NECTIN1: variants seen among roughly 807,000 people sequenced by gnomAD.
NECTIN1 encodes nectin cell adhesion molecule 1.
In NECTIN1, 23 loss-of-function variants were observed where a neutral mutation model predicts 48.0. The observed-to-expected ratio is 0.48, with a 90% CI of 0.34 to 0.68. NECTIN1 has a LOEUF of 0.68. Ranked by LOEUF, NECTIN1 falls within the 30% of genes least tolerant of loss-of-function variation. NECTIN1 has a pLI of 0.01. For missense variants in NECTIN1, 591 were observed against 709.9 expected (o/e 0.83, Z 1.90); for synonymous variants, 270 against 288.9 (o/e 0.93, Z 0.66).
chr11:119,666,361 G>A (rs1864770802), intron 5 of NECTIN1, among the ~76,000 whole-genome samples: 2 of 152,216 alleles, frequency 1.3e-5, no homozygotes, highest in South Asian at 2.1e-4. Context: ...GAAAAGAAGA[G>A]AAAGGAAGCA....
At position 119,647,158 on chromosome 11, in the gene NECTIN1, CGCATGTGTGTGTGTGTGTGT is replaced by C. The variant is rs1381999779; in HGVS notation, c.1004-7166_1004-7147del. Among the ~76,000 whole-genome samples, 614 of 91,748 alleles carry C rather than the reference CGCATGTGTGTGTGTGTGTGT, an allele frequency of 6.7e-3. 9 individuals are homozygous for C. The highest frequency in any genetic ancestry group is 0.025 in the African/African-American group (597 of 23,656). The allele number at this position is 91,748 out of a possible 152,430, so 60.2% of individuals were successfully genotyped here. ...CAAGATGAGGGGCCAGAGCTTGCGGCGCATGTGTGTGTGTGTGTGTGTGTGTGTGTGTGTGTGTGTGTGTG... is the reference window on the plus strand; with the variant it reads ...CAAGATGAGGGGCCAGAGCTTGCGGCGTGTGTGTGTGTGTGTGTGTGTGTG... On this transcript the variant is annotated intron_variant, in intron 5 of 7. Coordinates refer to the NECTIN1 transcript ENST00000341398.
At chr11:119,671,796 G>C (rs1033925324) in intron 5 of NECTIN1, among the ~76,000 whole-genome samples, 7 of 152,180 alleles carry the variant, frequency 4.6e-5, no homozygotes, top group Non-Finnish European at 8.8e-5. Context: ...GCAGGGCCTC[G>C]GCAAGCTGGG....
chr11:119,714,150 C>T (rs1248451628), intron 1 of NECTIN1, among the ~76,000 whole-genome samples: 1 of 152,172 alleles, frequency 6.6e-6, no homozygotes, highest in Admixed American at 6.5e-5. Flanking sequence ...GAGCGGCAGC[C>T]TCTGGGTGGG....
At chr11:119,679,336 C>T (rs1865019917) in intron 1 of NECTIN1, among the ~76,000 whole-genome samples, 1 of 152,174 alleles carries the variant, frequency 6.6e-6, no homozygotes, top group South Asian at 2.1e-4. Context: ...GCAGGAGGCT[C>T]TGGATGAGCT....
At chr11:119,710,784 C>T (rs1210195877) in intron 1 of NECTIN1, among the ~76,000 whole-genome samples, 4 of 152,070 alleles carry the variant, frequency 2.6e-5, no homozygotes, top group South Asian at 4.1e-4. Flanking sequence ...AGACCCCATA[C>T]AAGTCCTGGT....
At chr11:119,638,581 A>T in intron 7 of NECTIN1, 1 of 797,786 alleles carries the variant, frequency 1.3e-6, no homozygotes, top group Non-Finnish European at 2.1e-6. Flanking sequence ...AGGCAGATGG[A>T]TCCCTCTAGC....
intron 1 of NECTIN1, among the ~76,000 whole-genome samples, chr11:119,694,615 G>A (rs1565394958): frequency 6.6e-6 from 1 of 152,188 alleles, no homozygotes; most frequent in Non-Finnish European, 1.5e-5. Context: ...AGTGATGTGG[G>A]CTGAAGAGGG....
At chr11:119,706,973 C>G (rs149714851) in intron 1 of NECTIN1, among the ~76,000 whole-genome samples, 13 of 152,262 alleles carry the variant, frequency 8.5e-5, no homozygotes, top group Non-Finnish European at 1.8e-4. Flanking sequence ...CTGCCCCTGT[C>G]CCTCAATTCT....
At chr11:119,648,310 G>GTGGTGGTGGTGGTGGTGA (rs1864434674) in intron 5 of NECTIN1, among the ~76,000 whole-genome samples, 1 of 5,944 alleles carries the variant, frequency 1.7e-4, no homozygotes, top group Non-Finnish European at 3.9e-4. Context: ...GGTGGTGATG[G>GTGGTGGTGGTGGTGGTGA]TGGTGATGGT....
chr11:119,663,260 G>A lies in NECTIN1; in HGVS notation c.*1487C>T. 1.0e-6 allele frequency: 1 copy of A among 985,568 alleles called. No homozygotes were observed. Among genetic ancestry groups the A allele is most frequent in the Non-Finnish European group, 1.2e-6 (1 of 830,020 alleles). The allele number at this position is 985,568 out of a possible 1,614,324, so 61.1% of individuals were successfully genotyped here. A position where few individuals can be genotyped will look rare whatever the true frequency, so the allele number is the denominator to read the frequency against. ...CCTGTCTAGAGTGCCAGGGGATCTG[G>A]GAGCAGATGGAGGAACTGAGGCACT... On this transcript the variant is annotated 3_prime_UTR_variant, in exon 6 of 6. Coordinates refer to ENST00000264025, the MANE Select transcript of NECTIN1 (RefSeq NM_002855.5).
chr11:119,655,052 G>C (rs1198180677), intron 5 of NECTIN1, among the ~76,000 whole-genome samples: 1 of 151,950 alleles, frequency 6.6e-6, no homozygotes, highest in African/African-American at 2.4e-5. Flanking sequence ...TGGGATTACA[G>C]GCACCCACCA....
At chr11:119,708,012 C>T (rs1292729436) in intron 1 of NECTIN1, among the ~76,000 whole-genome samples, 4 of 152,180 alleles carry the variant, frequency 2.6e-5, no homozygotes, top group African/African-American at 4.8e-5. Context: ...TAGCAGGGGC[C>T]CCAGACATGA....
intron 1 of NECTIN1, among the ~76,000 whole-genome samples, chr11:119,715,927 T>C (rs1434250490): frequency 2.6e-5 from 4 of 152,212 alleles, no homozygotes; most frequent in Non-Finnish European, 4.4e-5. Context: ...ATTATGTTTG[T>C]TGCTGTCTAC....
In NECTIN1 at chr11:119,712,127, G is replaced by A. The variant is rs80218760; in HGVS notation, c.79+16348C>T. On this transcript the variant is annotated intron_variant, in intron 1 of 5. Transcript: ENST00000264025. ...GGGTGGCTCTGGACAAGTTGGGCTTGGACTGCGCACAGGTCAGGCTGAAAT... is the reference window on the plus strand; with the variant it reads ...GGGTGGCTCTGGACAAGTTGGGCTTAGACTGCGCACAGGTCAGGCTGAAAT... Among the ~76,000 whole-genome samples the A allele has an allele frequency of 0.013, 1,943 of 152,294 alleles. 91 individuals are homozygous for A. The East Asian group carries it at 0.14, about 11-fold the overall frequency.
At chr11:119,671,894 C>G (rs542770454) in intron 5 of NECTIN1, among the ~76,000 whole-genome samples, 1 of 152,244 alleles carries the variant, frequency 6.6e-6, no homozygotes, top group African/African-American at 2.4e-5. Context: ...GAGAATGGCA[C>G]GTTGCCACGG....
At chr11:119,648,409 A>ATGGTGGTGATGGTGGTGGTGGTGG (rs1864443248) in intron 5 of NECTIN1, among the ~76,000 whole-genome samples, 1 of 2,662 alleles carries the variant, frequency 3.8e-4, no homozygotes, top group Admixed American at 4.0e-3. Context: ...GGTGATGGTG[A>ATGGTGGTGATGGTGGTGGTGGTGG]TGGTGGTGGT....
chr11:119,693,084 C>T (rs1030216164), intron 1 of NECTIN1, among the ~76,000 whole-genome samples: 10 of 152,186 alleles, frequency 6.6e-5, no homozygotes, highest in Non-Finnish European at 1.0e-4. Flanking sequence ...CTAGCAACCC[C>T]GGCAGCCCAG....
chr11:119,665,438 C>G lies in NECTIN1; in HGVS notation c.1004-141G>C. 1 of 1,397,912 alleles carries G rather than the reference C, an allele frequency of 7.2e-7. No individual in the cohort carries two copies. The highest frequency in any genetic ancestry group is 1.5e-5 in the South Asian group (1 of 66,504). The allele number at this position is 1,397,912 out of a possible 1,614,324, so 86.6% of individuals were successfully genotyped here. A position where few individuals can be genotyped will look rare whatever the true frequency, so the allele number is the denominator to read the frequency against. On this transcript the variant is annotated intron_variant, in intron 5 of 5. Coordinates refer to ENST00000264025, the MANE Select transcript of NECTIN1 (RefSeq NM_002855.5). This position sits in a 1 kb window ranked among gnomAD's most constrained non-coding sequence, Gnocchi z 5.1. ...AGGTTTGAGCAGCTCCAGTTCGAGG[C>G]CCCGCAGCACTCCACCCATCCTGGA...
chr11:119,722,578 C>T, intron 1 of NECTIN1, among the ~76,000 whole-genome samples: 1 of 152,258 alleles, frequency 6.6e-6, no homozygotes, highest in Non-Finnish European at 1.5e-5. Flanking sequence ...GGAGAGCCCT[C>T]AGTGACAGGC....
Sources: allele counts gnomAD v4.1 joint callset (sites outside exome capture counted in the v4.1 genomes callset), GRCh38; gene constraint gnomAD v4.1.1; non-coding constraint Gnocchi (gnomAD v3.1); transcripts MANE v1.5; gene names NCBI Gene and HGNC (gene_info 2026-07-23, HGNC 2026-07-21).